The following DISP3 variants were observed in gnomAD, a reference collection of about 807,000 sequenced individuals.
The protein encoded by DISP3 is dispatched RND transporter family member 3.
Under a neutral mutation model 135.3 loss-of-function variants are expected in DISP3, and 101 were observed. The ratio of observed to expected loss-of-function variants is 0.75; its 90% CI spans 0.64 to 0.88. The LOEUF is 0.88. Among genes scored for constraint, DISP3 ranks in the 40% least tolerant of loss-of-function variants. The pLI is 0.00. For synonymous variants in DISP3, 856 were observed against 817.0 expected, an observed-to-expected ratio of 1.05 and a Z score of -0.81; for missense variants, 1,713 against 1,878.6, an observed-to-expected ratio of 0.91 and a Z score of 1.63.
rs191852506 is a variant in DISP3, at chr1:11,525,172, G to T, written c.2477-4G>T. The T allele has an allele frequency of 1.2e-6, 2 of 1,612,792 alleles. No individual in the cohort carries two copies. The highest frequency in any genetic ancestry group is 2.7e-5 in the African/African-American group (2 of 74,894). On this transcript the variant is annotated splice_region_variant and splice_polypyrimidine_tract_variant and intron_variant, in intron 11 of 20. Coordinates refer to ENST00000294484, the MANE Select transcript of DISP3 (RefSeq NM_020780.2). ...CCCCTCTTTCATCCCTTATTTGTCC[G>T]TAGATTTCCCAGGCACCGTGTACAT... is the stretch of plus-strand genomic sequence containing the variant.
At chr1:11,481,490 C>CTGT (rs1640903901) in intron 1 of DISP3, 1 of 152,228 alleles carries the variant, frequency 6.6e-6, no homozygotes, top group African/African-American at 2.4e-5. Flanking sequence ...ACCTCTCCTG[C>CTGT]TGTTGTCCTT....
chr1:11,519,956 C>T lies in DISP3; in HGVS notation c.2200+76C>T. On this transcript the variant is annotated intron_variant, in intron 9 of 20. Transcript: ENST00000294484. The surrounding 1 kb of genome is among the most constrained non-coding windows in gnomAD (Gnocchi z 4.3). ...ACACACAGGAACTGGGAGCCCACCC[C>T]CTCTCGCAGATGCCCCAGGGTCAGA... The T allele has an allele frequency of 6.9e-7, 1 of 1,445,108 alleles. No homozygotes were observed. The highest frequency in any genetic ancestry group is 1.3e-5 in the South Asian group (1 of 78,100). 89.5% of individuals were successfully genotyped at this position (1,445,108 alleles called of 1,614,324 possible).
At chr1:11,523,903 C>A in intron 10 of DISP3, 39 bp from the exon 11 acceptor site, 1 of 1,544,098 alleles carries the variant, frequency 6.5e-7, no homozygotes, top group Non-Finnish European at 8.9e-7. Context: ...CCAGGATGTC[C>A]TGCTGTCCTG....
intron 3 of DISP3, among the ~76,000 whole-genome samples, chr1:11,512,077 C>G (rs927939897): frequency 2.0e-5 from 3 of 152,152 alleles, no homozygotes; most frequent in Non-Finnish European, 4.4e-5. Flanking sequence ...TGGGCCTGAC[C>G]CATGAAACCA....
At position 11,516,588 on chromosome 1, in the gene DISP3, TC is replaced by T. The variant is rs1642018776; in HGVS notation, c.1749+431del. 6.6e-6 allele frequency among the ~76,000 whole-genome samples: 1 copy of T among 152,202 alleles called. No individual in the cohort carries two copies. The highest frequency in any genetic ancestry group is 1.9e-4 in the East Asian group (1 of 5,198). On this transcript the variant is annotated intron_variant, in intron 6 of 20. Transcript: ENST00000294484. This position sits in a 1 kb window ranked among gnomAD's most constrained non-coding sequence, Gnocchi z 5.1. ...GAAGCCTGACCAAGTCCATAGTGAT[TC>T]CCCTTCTGCCTGCTTCTGGCTGCAT...
rs949952120 is a variant in DISP3, at chr1:11,520,010, AC to A, written c.2200+137del. Reference sequence around the variant, plus strand: ...CTGGGCTGGGGTCTCTCCCTCTCTGACCCCCCCTCTTTCCTGTGCAGAATGA... The same window carrying A: ...CTGGGCTGGGGTCTCTCCCTCTCTGACCCCCCTCTTTCCTGTGCAGAATGA... On this transcript the variant is annotated intron_variant, in intron 9 of 20. Transcript: ENST00000294484. The surrounding 1 kb of genome is among the most constrained non-coding windows in gnomAD (Gnocchi z 4.8). 32 of 832,882 alleles carry A rather than the reference AC, an allele frequency of 3.8e-5. No homozygotes were observed. The highest frequency in any genetic ancestry group is 5.6e-5 in the South Asian group (3 of 53,762). 51.6% of individuals were successfully genotyped at this position (832,882 alleles called of 1,614,324 possible).
At chr1:11,532,224 C>T (rs1406076170) in intron 17 of DISP3, among the ~76,000 whole-genome samples, 2 of 152,236 alleles carry the variant, frequency 1.3e-5, no homozygotes, top group Non-Finnish European at 1.5e-5. Flanking sequence ...CACTCCTGAC[C>T]TGGGCACTGT....
intron 1 of DISP3, among the ~76,000 whole-genome samples, chr1:11,489,557 G>A (rs1293476430): frequency 6.6e-6 from 1 of 152,214 alleles, no homozygotes; most frequent in Non-Finnish European, 1.5e-5. Context: ...CTGCAGAGAG[G>A]TGACGGGGAG....
In DISP3 at chr1:11,533,899, T is replaced by C; in HGVS notation, c.3376-482T>C. ...ACTGGGCACTGTGGGCCAGCCAGGC[T>C]GCTCCTGCCCTTGCAATTCACAGTC... On this transcript the variant is annotated intron_variant, in intron 17 of 20. Transcript: ENST00000294484. 3 of 715,902 alleles carry C rather than the reference T, an allele frequency of 4.2e-6. No individual in the cohort carries two copies. In the South Asian group the frequency reaches 4.4e-5, roughly 11 times the overall value. 44.3% of individuals were successfully genotyped at this position (715,902 alleles called of 1,614,324 possible). A position where few individuals can be genotyped will look rare whatever the true frequency, so the allele number is the denominator to read the frequency against.
At chr1:11,480,028 G>C (rs567753286) in intron 1 of DISP3, among the ~76,000 whole-genome samples, 2 of 152,304 alleles carry the variant, frequency 1.3e-5, no homozygotes, top group Non-Finnish European at 2.9e-5. Context: ...CAGTGGCGGC[G>C]CTGAGGGTCG....
chr1:11,535,736 TC>T, intron 20 of DISP3, 92 bp downstream of exon 20: 1 of 1,465,502 alleles, frequency 6.8e-7, no homozygotes, highest in Middle Eastern at 2.3e-4. Flanking sequence ...CAGCTGAACA[TC>T]CCAGCACCAG....
chr1:11,523,672 G>T (rs1014221814), intron 10 of DISP3, among the ~76,000 whole-genome samples: 3 of 151,964 alleles, frequency 2.0e-5, no homozygotes, highest in African/African-American at 7.3e-5. Flanking sequence ...GGGCAGAGTG[G>T]CACAGAGAGG....
intron 17 of DISP3, among the ~76,000 whole-genome samples, chr1:11,532,188 T>A (rs963060318): frequency 6.6e-6 from 1 of 152,172 alleles, no homozygotes; most frequent in African/African-American, 2.4e-5. Flanking sequence ...TAGGCACACA[T>A]GTGTGCACAT....
intron 10 of DISP3, among the ~76,000 whole-genome samples, chr1:11,522,699 AGCCAGGACCCAGCCAGGG>A (rs1642255624): frequency 7.4e-6 from 1 of 134,706 alleles, no homozygotes; most frequent in Non-Finnish European, 1.6e-5. Context: ...GCCAGGGCCC[AGCCAGGACCCAGCCAGGG>A]CCCAGCCAGG....
At position 11,531,658 on chromosome 1, in the gene DISP3, C is replaced by G; in HGVS notation, c.3323C>G (p.Ala1108Gly). 6.2e-7 allele frequency: 1 copy of G among 1,612,846 alleles called. No individual in the cohort carries two copies. The highest frequency in any genetic ancestry group is 8.5e-7 in the Non-Finnish European group (1 of 1,179,660). Residue 1108 changes from alanine (A) to glycine (G), a missense_variant, in exon 17 of 21, where the codon GCA (alanine) becomes GGA (glycine). Ala to Gly is a moderately conservative substitution (Grantham distance 60, BLOSUM62 0). Coordinates refer to ENST00000294484, the MANE Select transcript of DISP3 (RefSeq NM_020780.2). This position sits in a 1 kb window ranked among gnomAD's most constrained non-coding sequence, Gnocchi z 5.2. ...CTCCCGGGGCAGCTGTCCCACGGGG[C>G]AGTGGGCGTCAGGGAGGGCCGCGTG... is the stretch of plus-strand genomic sequence containing the variant. ...NLLPGQLSHG[A>G]VGVREGRVQW...
chr1:11,515,900 A>T, intron 5 of DISP3, 101 bp from the exon 6 acceptor site: 1 of 1,345,284 alleles, frequency 7.4e-7, no homozygotes. Context: ...CTGCAGCCTG[A>T]CCTCCCAGGA....
intron 3 of DISP3, among the ~76,000 whole-genome samples, chr1:11,504,025 C>A (rs1641630316): frequency 6.6e-6 from 1 of 152,150 alleles, no homozygotes. Context: ...TTCCCAGTCC[C>A]CCACCCTGAT....
At chr1:11,494,696 C>G (rs542954568) in intron 1 of DISP3, among the ~76,000 whole-genome samples, 13 of 152,338 alleles carry the variant, frequency 8.5e-5, no homozygotes, top group Non-Finnish European at 1.9e-4. Flanking sequence ...AGGACCAGAG[C>G]TGAACCAGGG....
Position 11,537,393 on chromosome 1 carries a change from C to A in DISP3, c.*707C>A, listed in dbSNP as rs945097195. The A allele has an allele frequency of 1.3e-5, 2 of 151,970 alleles. No individual in the cohort carries two copies. Among genetic ancestry groups the A allele is most frequent in the African/African-American group, 2.4e-5 (1 of 41,426 alleles). The allele number at this position is 151,970 out of a possible 1,614,324, so 9.4% of individuals were successfully genotyped here. A position where few individuals can be genotyped will look rare whatever the true frequency, so the allele number is the denominator to read the frequency against. Reference sequence around the variant, plus strand: ...GCCCCTCAAAGGCCCTCTCTGGGGGCTCTGGGGCTCAGCACAGCTTTCCTC... The same window carrying A: ...GCCCCTCAAAGGCCCTCTCTGGGGGATCTGGGGCTCAGCACAGCTTTCCTC... On this transcript the variant is annotated 3_prime_UTR_variant, in exon 21 of 21. Coordinates refer to ENST00000294484, the MANE Select transcript of DISP3 (RefSeq NM_020780.2).
Sources: gnomAD v4.1 joint callset for allele counts (sites outside exome capture counted in the v4.1 genomes callset) on GRCh38, gnomAD v4.1.1 for gene constraint, Gnocchi (gnomAD v3.1) non-coding constraint, MANE v1.5 for transcripts, NCBI Gene and HGNC (gene_info 2026-07-23, HGNC 2026-07-21) for gene names.